The following SP110 variants were observed in gnomAD, a reference collection of about 807,000 sequenced individuals.
SP110 encodes interferon-induced protein 41, 30kD.
Under a neutral mutation model 92.7 loss-of-function variants are expected in SP110, and 62 were observed. The ratio of observed to expected loss-of-function variants is 0.67; its 90% CI spans 0.55 to 0.83. SP110 has a LOEUF of 0.83. SP110 is among the 40% of genes least tolerant of loss of function. SP110 has a pLI of 0.00. For synonymous variants in SP110, 273 were observed against 305.3 expected (o/e 0.89, Z 1.10); for missense variants, 793 against 863.9 (o/e 0.92, Z 1.03).
intron 18 of SP110, 67 bp from the exon 19 acceptor site, chr2:230,169,304 C>CT (rs1265437451): frequency 3.3e-5 from 32 of 971,726 alleles, no homozygotes; most frequent in Non-Finnish European, 4.0e-5. Flanking sequence ...ATCACTCATA[C>CT]TTTTTTTTGT....
rs2043302733 is a variant in SP110, at chr2:230,202,688, T to A, written c.939A>T (p.Lys313Asn). 2 of 1,613,984 alleles carry A rather than the reference T, an allele frequency of 1.2e-6. No homozygotes were observed. Among genetic ancestry groups the A allele is most frequent in the Non-Finnish European group, 1.7e-6 (2 of 1,179,992 alleles). ...SSRHGIQKKL[K>N]RVDQVPQKKD... ...TCTTTTGAGGAACCTGATCCACCCTTTTGAGCTTCTTTTGGATTCCGTGTC... is the reference window on the plus strand; with the variant it reads ...TCTTTTGAGGAACCTGATCCACCCTATTGAGCTTCTTTTGGATTCCGTGTC... The change falls in exon 9 of 19, where the codon AAA (lysine) becomes AAT (asparagine). Residue 313 changes from lysine to asparagine, a missense_variant. Lys to Asn is a moderately conservative substitution (Grantham distance 94). Transcript: ENST00000258381.
rs1007736807 is a variant in SP110 at position 230,216,675 on chromosome 2, G to T, written c.147+106C>A. 3 of 1,346,048 alleles carry T rather than the reference G, an allele frequency of 2.2e-6. No individual in the cohort carries two copies. The Admixed American group carries it at 5.0e-5, about 23-fold the overall frequency. The allele number at this position is 1,346,048 out of a possible 1,614,324, so 83.4% of individuals were successfully genotyped here. A position where few individuals can be genotyped will look rare whatever the true frequency, so the allele number is the denominator to read the frequency against. On this transcript the variant is annotated intron_variant, in intron 2 of 18. Coordinates refer to ENST00000258381, the MANE Select transcript of SP110 (RefSeq NM_080424.4). ...CTGTGATAATGAACATGCCTGGGCT[G>T]GGCCTTCCAAACTCTGGAAGCCCTG...
chr2:230,189,639 T>A (rs2042519412), intron 10 of SP110, among the ~76,000 whole-genome samples: 1 of 152,146 alleles, frequency 6.6e-6, no homozygotes, highest in Non-Finnish European at 1.5e-5. Flanking sequence ...TAGGTATGCA[T>A]GTGCCATGGT....
intron 17 of SP110, 131 bp downstream of exon 17, chr2:230,171,565 C>G: frequency 3.9e-6 from 3 of 760,060 alleles, no homozygotes; most frequent in Admixed American, 1.9e-5. Flanking sequence ...CCTGCTGCCC[C>G]GCTCCACTGC....
intron 10 of SP110, among the ~76,000 whole-genome samples, chr2:230,189,612 C>G (rs184442797): frequency 6.6e-6 from 1 of 152,084 alleles, no homozygotes; most frequent in Non-Finnish European, 1.5e-5. Flanking sequence ...ACGTGCAGAA[C>G]ATGCAGGTTT....
In SP110 at chr2:230,166,155, G is replaced by A. The variant is rs1196678661; in HGVS notation, c.*2969C>T. On this transcript the variant is annotated 3_prime_UTR_variant, in exon 19 of 19. Transcript: ENST00000258381. ...GATCCACTCGCCTCAGCCTCCCAAA[G>A]TGCTGGGATTACAGGCCTGAGCCAC... is the stretch of plus-strand genomic sequence containing the variant. 3.0e-4 allele frequency among the ~76,000 whole-genome samples: 45 copies of A among 152,148 alleles called. No homozygotes were observed. Among genetic ancestry groups the A allele is most frequent in the Admixed American group, 2.9e-3 (45 of 15,276 alleles).
chr2:230,192,165 C>T (rs889707935), intron 10 of SP110, among the ~76,000 whole-genome samples: 2 of 152,114 alleles, frequency 1.3e-5, no homozygotes, highest in South Asian at 2.1e-4. Context: ...ATGACAAACC[C>T]ACAGCCAATA....
chr2:230,195,346 T>A (rs1474039781), intron 10 of SP110, among the ~76,000 whole-genome samples: 11 of 152,156 alleles, frequency 7.2e-5, no homozygotes, highest in African/African-American at 1.4e-4. Flanking sequence ...ATTTAAAAAG[T>A]TTTTTGGGGA....
chr2:230,211,624 A>G lies in SP110; in HGVS notation c.668-71T>C. On this transcript the variant is annotated intron_variant, in intron 5 of 18. Coordinates refer to ENST00000258381, the MANE Select transcript of SP110 (RefSeq NM_080424.4). This position sits in a 1 kb window ranked among gnomAD's most constrained non-coding sequence, Gnocchi z 4.2. ...GGGACCAGAATGAGGAGAAAAGAGA[A>G]TGCTCTATTCCAACAAGTAAAAATG... 1 of 932,188 alleles carries G rather than the reference A, an allele frequency of 1.1e-6. No individual in the cohort carries two copies. The highest frequency in any genetic ancestry group is 1.7e-5 in the Admixed American group (1 of 58,462). 57.7% of individuals were successfully genotyped at this position (932,188 alleles called of 1,614,324 possible).
intron 14 of SP110, among the ~76,000 whole-genome samples, chr2:230,175,915 CT>C (rs2148709529): frequency 6.7e-6 from 1 of 149,006 alleles, no homozygotes; most frequent in East Asian, 2.0e-4. Context: ...ATTTCAATGC[CT>C]TTTCTTTTGC....
rs2148926467 is a variant in SP110, at chr2:230,212,909, A to C, written c.435T>G (p.Pro145=). Residue 145 remains proline (P), a synonymous_variant, in exon 4 of 19, where the codon CCT becomes CCG. Coordinates refer to ENST00000258381, the MANE Select transcript of SP110 (RefSeq NM_080424.4). ...GCGCACAGGGTGAACAGCTTGGTTG[A>C]GGGGGTTGTGGTGGGGGCAGCGCCA... ...TPLALPPPQP[P]QPSCSPCAPR... 6.2e-7 allele frequency: 1 copy of C among 1,613,684 alleles called. No homozygotes were observed.
intron 8 of SP110, among the ~76,000 whole-genome samples, chr2:230,207,282 G>C (rs1195754926): frequency 1.3e-5 from 2 of 152,136 alleles, no homozygotes; most frequent in Admixed American, 6.5e-5. Flanking sequence ...AGCTCTCTTA[G>C]CATTGCCTTT....
intron 14 of SP110, among the ~76,000 whole-genome samples, chr2:230,175,500 G>C (rs2041818125): frequency 6.6e-6 from 1 of 152,130 alleles, no homozygotes. Flanking sequence ...TGATTCTCAG[G>C]GTATTTCAGA....
intron 18 of SP110, 40 bp from the exon 19 acceptor site, chr2:230,169,277 A>C (rs2078369873): frequency 6.3e-6 from 7 of 1,115,338 alleles, no homozygotes; most frequent in Non-Finnish European, 9.7e-6. Flanking sequence ...TGAAGGATGA[A>C]GGATTACAGC....
In SP110 at chr2:230,200,959, A is replaced by G. The variant is rs768985896; in HGVS notation, c.1055T>C (p.Ile352Thr). 6 of 1,612,756 alleles carry G rather than the reference A, an allele frequency of 3.7e-6. No individual in the cohort carries two copies. Among genetic ancestry groups the G allele is most frequent in the South Asian group, 3.3e-5 (3 of 91,054 alleles). The change falls in exon 10 of 19, where the codon ATT becomes ACT. Residue 352 changes from isoleucine (I) to threonine (T), a missense_variant. Ile to Thr is a moderately conservative substitution (Grantham distance 89, BLOSUM62 -1). Transcript: ENST00000258381. ...CARKSRSEEI[I>T]DGTSEMNEGK... is the part of the protein sequence containing the mutation. ...TTCATTCATTTCTGAAGTGCCATCA[A>G]TGATCTCTGGAAAATGAAAGATCTT...
At chr2:230,214,834 C>T in intron 3 of SP110, 116 bp downstream of exon 3, 2 of 851,498 alleles carry the variant, frequency 2.3e-6, no homozygotes, top group South Asian at 2.8e-5. Context: ...ATGGTCCATT[C>T]CACCCCAGAG....
intron 8 of SP110, among the ~76,000 whole-genome samples, chr2:230,206,944 C>T (rs75846126): frequency 0.016 from 2,442 of 152,050 alleles, 34 homozygotes; most frequent in Non-Finnish European, 0.023. Context: ...TCCTAAAGTA[C>T]CAGGAAAACT....
At position 230,215,123 on chromosome 2, in the gene SP110, A is replaced by C; in HGVS notation, c.148-5T>G. On this transcript the variant is annotated splice_region_variant and splice_polypyrimidine_tract_variant and intron_variant, in intron 2 of 18. Coordinates refer to ENST00000258381, the MANE Select transcript of SP110 (RefSeq NM_080424.4). The stretch of plus-strand genomic sequence containing the variant: ...TCTACAGGCTTCCAGAGATTCCTAT[A>C]AAAATGGAGTGAAGGTTTTTATAAA... The C allele has an allele frequency of 6.2e-7, 1 of 1,611,156 alleles. No homozygotes were observed. Among genetic ancestry groups the C allele is most frequent in the South Asian group, 1.1e-5 (1 of 90,962 alleles).
upstream of SP110, among the ~76,000 whole-genome samples, chr2:230,224,878 G>A (rs992647622): frequency 6.6e-6 from 1 of 152,140 alleles, no homozygotes; most frequent in African/African-American, 2.4e-5. Flanking sequence ...TTCTAGTCCT[G>A]TGGTTATATT....
Sources: gnomAD v4.1 joint callset for allele counts (sites outside exome capture counted in the v4.1 genomes callset) on GRCh38, gnomAD v4.1.1 for gene constraint, Gnocchi (gnomAD v3.1) non-coding constraint, MANE v1.5 for transcripts, NCBI Gene and HGNC (gene_info 2026-07-23, HGNC 2026-07-21) for gene names.